Variants in LRP5 observed in about 807,000 individuals in gnomAD.
The protein encoded by LRP5 is low-density lipoprotein receptor-related protein 5.
In LRP5, 62 loss-of-function variants were observed where a neutral mutation model predicts 154.1. That is an observed-to-expected ratio of 0.40 (90% CI 0.33 to 0.50). The LOEUF (loss-of-function observed/expected upper bound fraction) is 0.50, where lower values mean the gene tolerates loss of function less well. LRP5 is among the 20% of genes least tolerant of loss of function. The pLI, the probability that LRP5 is intolerant of heterozygous loss-of-function variation, is 0.55. For missense variants in LRP5, 1,915 were observed against 2,336.7 expected, an observed-to-expected ratio of 0.82 and a Z score of 3.72; for synonymous variants, 966 against 1,011.5, an observed-to-expected ratio of 0.96 and a Z score of 0.85.
chr11:68,443,571 ATATATATATATATATTTTTTTT>A lies in LRP5; in HGVS notation c.4489-2863_4489-2842del, dbSNP rs1183664801. Reference sequence around the variant, plus strand: ...TATATATATATATATATATATATATATATATATATATATATTTTTTTTTTTTTTGGTTATGTTCAGAAAGGCC... The same window carrying A: ...TATATATATATATATATATATATATATTTTTTGGTTATGTTCAGAAAGGCC... On this transcript the variant is annotated intron_variant, in intron 21 of 22. Transcript: ENST00000294304. Among the ~76,000 whole-genome samples the A allele has an allele frequency of 2.1e-4, 9 of 42,656 alleles. 1 individual carries two copies. The highest frequency in any genetic ancestry group is 6.9e-4 in the East Asian group (1 of 1,458). The allele number at this position is 42,656 out of a possible 152,430, so 28.0% of individuals were successfully genotyped here.
At chr11:68,351,095 T>C (rs312783) in intron 2 of LRP5, among the ~76,000 whole-genome samples, 71,037 of 152,038 alleles carry the variant, frequency 0.47, 18,649 homozygotes, top group African/African-American at 0.69. Flanking sequence ...TGTGTAAGTA[T>C]GGGGTACCAG....
chr11:68,339,934 A>G (rs1219353357), intron 1 of LRP5, among the ~76,000 whole-genome samples: 1 of 152,176 alleles, frequency 6.6e-6, no homozygotes, highest in Admixed American at 6.5e-5. Flanking sequence ...CACAGCAGCC[A>G]GAGGTGTCTT....
chr11:68,320,196 T>C (rs2098595965), intron 1 of LRP5, among the ~76,000 whole-genome samples: 1 of 152,132 alleles, frequency 6.6e-6, no homozygotes, highest in Non-Finnish European at 1.5e-5. Context: ...CATACATACA[T>C]AACTCCTAAA....
intron 18 of LRP5, among the ~76,000 whole-genome samples, chr11:68,434,453 C>T (rs536161257): frequency 7.8e-4 from 118 of 152,140 alleles, no homozygotes; most frequent in Non-Finnish European, 1.4e-3. Context: ...AATCTCGGCT[C>T]ACTGCAACCT....
intron 1 of LRP5, among the ~76,000 whole-genome samples, chr11:68,327,747 C>T (rs1394159615): frequency 2.0e-5 from 3 of 152,090 alleles, no homozygotes; most frequent in East Asian, 3.9e-4. Flanking sequence ...AAGCTAGGCC[C>T]GGCACCTTAG....
At position 68,375,642 on chromosome 11, in the gene LRP5, C is replaced by T. The variant is rs138153403; in HGVS notation, c.1015+9940C>T. ...TTCCTGTGTCCCACGGGACCAACAT[C>T]GGGACCCAGGAAACAGGCTGGGAGA... On this transcript the variant is annotated intron_variant, in intron 5 of 22. Transcript: ENST00000294304. Among the ~76,000 whole-genome samples the T allele has an allele frequency of 1.7e-4, 26 of 152,316 alleles. No homozygotes were observed. The South Asian group carries it at 1.9e-3, about 11-fold the overall frequency.
rs114016090 is a variant in LRP5 at position 68,351,046 on chromosome 11, G to A, written c.488+2803G>A. On this transcript the variant is annotated intron_variant, in intron 2 of 22. Coordinates refer to ENST00000294304, the MANE Select transcript of LRP5 (RefSeq NM_002335.4). ...TGCACGTGTATGTGCCCGTGTGAGC[G>A]AGTATGTGCGCGAGAGTGTCTGCAT... Among the ~76,000 whole-genome samples the A allele has an allele frequency of 3.1e-3, 465 of 152,318 alleles. 2 individuals are homozygous for A. The highest frequency in any genetic ancestry group is 0.01 in the African/African-American group (427 of 41,576).
chr11:68,322,651 G>A (rs771535154), intron 1 of LRP5, among the ~76,000 whole-genome samples: 1 of 152,270 alleles, frequency 6.6e-6, no homozygotes, highest in African/African-American at 2.4e-5. Context: ...TCTGCCTCTA[G>A]TGTGATGTCT....
At chr11:68,312,826 C>T (rs2098589458) in intron 1 of LRP5, 21 bp downstream of exon 1, 9 of 1,024,494 alleles carry the variant, frequency 8.8e-6, no homozygotes, top group Non-Finnish European at 1.0e-5. Context: ...GCAGGCCGGC[C>T]GGGGGCCGCG....
rs201210158 is a variant in LRP5 at position 68,438,619 on chromosome 11, G to A, written c.4285G>A (p.Gly1429Arg). Residue 1429 changes from glycine (G) to arginine (R), a missense_variant, in exon 20 of 23, where the codon GGG becomes AGG. Gly to Arg is a moderately radical substitution (Grantham distance 125, BLOSUM62 -2). Around this residue, in one of 3 missense-constraint regions of LRP5, gnomAD observed 1,094 missense variants for 1,210.1 expected, o/e 0.90. Transcript: ENST00000294304. ...GCCCTTCCCGCACGAGTATGTCAGC[G>A]GGACCCCGCACGTGCCCCTCAATTT... The part of the protein sequence containing the change: ...NGPFPHEYVS[G>R]TPHVPLNFIA... 4.3e-6 allele frequency: 7 copies of A among 1,613,656 alleles called. No homozygotes were observed. The highest frequency in any genetic ancestry group is 2.2e-5 in the South Asian group (2 of 91,062).
At chr11:68,344,425 TCTCCTGCCTCAGC>T (rs1469350516) in intron 1 of LRP5, among the ~76,000 whole-genome samples, 1 of 152,134 alleles carries the variant, frequency 6.6e-6, no homozygotes, top group African/African-American at 2.4e-5. Context: ...TTCAAGTGAT[TCTCCTGCCTCAGC>T]CTCCTGACTA....
chr11:68,313,449 T>C (rs1484622814), intron 1 of LRP5, among the ~76,000 whole-genome samples: 2 of 152,008 alleles, frequency 1.3e-5, no homozygotes, highest in Non-Finnish European at 2.9e-5. Flanking sequence ...GGAGGTGACG[T>C]GGTCCCAGAT....
At chr11:68,439,559 A>G (rs1335266210) in intron 20 of LRP5, among the ~76,000 whole-genome samples, 1 of 152,096 alleles carries the variant, frequency 6.6e-6, no homozygotes, top group Non-Finnish European at 1.5e-5. Flanking sequence ...TGGAGGAGGT[A>G]CCATGTGTCT....
chr11:68,445,741 G>T, intron 21 of LRP5: 1 of 1,116,850 alleles, frequency 9.0e-7, no homozygotes, highest in Non-Finnish European at 1.2e-6. Context: ...TCCTCCCTTT[G>T]TAGGGCTGGT....
At position 68,413,342 on chromosome 11, in the gene LRP5, A is replaced by C; in HGVS notation, c.2504-347A>C. 1 of 436,778 alleles carries C rather than the reference A, an allele frequency of 2.3e-6. No homozygotes were observed. The highest frequency in any genetic ancestry group is 4.3e-6 in the Non-Finnish European group (1 of 235,244). 27.1% of individuals were successfully genotyped at this position (436,778 alleles called of 1,614,324 possible). On this transcript the variant is annotated intron_variant, in intron 11 of 22. Coordinates refer to ENST00000294304, the MANE Select transcript of LRP5 (RefSeq NM_002335.4). The surrounding 1 kb of genome is among the most constrained non-coding windows in gnomAD (Gnocchi z 5.1). ...ACTTAAACGCTCCGGATGTTTACTG[A>C]GTGCTTGATTAATAACATGGAAGGC...
At chr11:68,421,719 TGTGTG>T (rs1305953402) in intron 13 of LRP5, among the ~76,000 whole-genome samples, 20 of 131,592 alleles carry the variant, frequency 1.5e-4, no homozygotes, top group Admixed American at 2.4e-4. Context: ...TGTGTGTGTG[TGTGTG>T]GTGTGTGTGT....
In LRP5 at chr11:68,381,330, G is replaced by A. The variant is rs61887833; in HGVS notation, c.1016-4986G>A. Among the ~76,000 whole-genome samples, 382 of 152,304 alleles carry A rather than the reference G, an allele frequency of 2.5e-3. 2 individuals are homozygous for A. Among genetic ancestry groups the A allele is most frequent in the Non-Finnish European group, 4.6e-3 (310 of 68,012 alleles). ...CACCTGGTTGGTGGCGATGTGTCAC[G>A]GGAGCCCTCTGCAGGTTCTGCGTGT... On this transcript the variant is annotated intron_variant, in intron 5 of 22. Coordinates refer to ENST00000294304, the MANE Select transcript of LRP5 (RefSeq NM_002335.4).
rs1214520652 is a variant in LRP5 at position 68,312,634 on chromosome 11, G to GGGAGCCGCGCGA, written c.-72_-61dup. The GGGAGCCGCGCGA allele has an allele frequency of 7.6e-5, 46 of 608,842 alleles. No individual in the cohort carries two copies. The highest frequency in any genetic ancestry group is 4.1e-4 in the East Asian group (3 of 7,362). 37.7% of individuals were successfully genotyped at this position (608,842 alleles called of 1,614,324 possible). A position where few individuals can be genotyped will look rare whatever the true frequency, so the allele number is the denominator to read the frequency against. ...GCCCGAGGGGGGAGGCGGAGGCGCC[G>GGGAGCCGCGCGA]GGAGCCGCGCGAGGAGCCGCCGCCG... is the stretch of plus-strand genomic sequence containing the variant. On this transcript the variant is annotated 5_prime_UTR_variant, in exon 1 of 23. Transcript: ENST00000294304.
intron 7 of LRP5, among the ~76,000 whole-genome samples, chr11:68,394,655 G>A (rs2098648241): frequency 6.6e-6 from 1 of 151,772 alleles, no homozygotes; most frequent in African/African-American, 2.4e-5. Context: ...TAGTAGAGAT[G>A]GGATTTCACT....
Sources: allele counts gnomAD v4.1 joint callset (sites outside exome capture counted in the v4.1 genomes callset), GRCh38; gene constraint gnomAD v4.1.1; regional missense constraint gnomAD v4.1.1; non-coding constraint Gnocchi (gnomAD v3.1); transcripts MANE v1.5; gene names NCBI Gene and HGNC (gene_info 2026-07-23, HGNC 2026-07-21).